Variants in MAGI2 observed in about 807,000 individuals in gnomAD.
MAGI2 encodes membrane-associated guanylate kinase, WW and PDZ domain-containing protein 2.
Under a neutral mutation model 133.3 loss-of-function variants are expected in MAGI2, and 35 were observed. The observed-to-expected ratio is 0.26, with a 90% CI of 0.20 to 0.35. The LOEUF (loss-of-function observed/expected upper bound fraction) is 0.35. MAGI2 is among the 10% of genes least tolerant of loss of function. The pLI, the probability that MAGI2 is intolerant of heterozygous loss-of-function variation, is 1.00. For missense variants in MAGI2, 1,636 were observed against 1,863.4 expected, an observed-to-expected ratio of 0.88 and a Z score of 2.25; for synonymous variants, 729 against 710.6, an observed-to-expected ratio of 1.03 and a Z score of -0.41.
intron 3 of MAGI2, among the ~76,000 whole-genome samples, chr7:78,555,334 G>A (rs1799729095): frequency 1.3e-5 from 2 of 151,844 alleles, no homozygotes; most frequent in South Asian, 4.1e-4. Context: ...GAGGGTGGAG[G>A]AATATCTTTC....
At chr7:78,305,207 C>T (rs545832647) in intron 9 of MAGI2, among the ~76,000 whole-genome samples, 1 of 152,242 alleles carries the variant, frequency 6.6e-6, no homozygotes, top group South Asian at 2.1e-4. Context: ...GTCTGATTTT[C>T]TCCATCTGGA....
chr7:79,032,417 C>T (rs1449825599), intron 1 of MAGI2, among the ~76,000 whole-genome samples: 1 of 150,798 alleles, frequency 6.6e-6, no homozygotes, highest in African/African-American at 2.4e-5. Context: ...ACTTGGGAGG[C>T]TGAGGCAGGA....
At position 78,083,562 on chromosome 7, in the gene MAGI2, A is replaced by G. The variant is rs573307948; in HGVS notation, c.3568-4477T>C. ...AAAGGACTTAAGAGGAATTCTAAGC[A>G]CTCATTTTTTTCCTATGGAAGAAAT... On this transcript the variant is annotated intron_variant, in intron 20 of 21. Coordinates refer to ENST00000354212, the MANE Select transcript of MAGI2 (RefSeq NM_012301.4). Among the ~76,000 whole-genome samples the G allele has an allele frequency of 8.3e-4, 126 of 152,246 alleles. 1 individual carries two copies. The highest frequency in any genetic ancestry group is 1.5e-3 in the Non-Finnish European group (99 of 68,002).
At chr7:78,680,792 T>G (rs1496774) in intron 2 of MAGI2, among the ~76,000 whole-genome samples, 17,962 of 152,192 alleles carry the variant, frequency 0.12, 1,371 homozygotes, top group Non-Finnish European at 0.17. Flanking sequence ...GGAGTAAGCT[T>G]ATCACCTTCT....
chr7:78,384,569 C>T (rs572455897), intron 6 of MAGI2, among the ~76,000 whole-genome samples: 1 of 152,204 alleles, frequency 6.6e-6, no homozygotes, highest in East Asian at 1.9e-4. Context: ...ACACATTTAT[C>T]AATTGAATGT....
chr7:78,287,346 C>A (rs916396421), intron 9 of MAGI2, among the ~76,000 whole-genome samples: 2 of 151,840 alleles, frequency 1.3e-5, no homozygotes, highest in East Asian at 3.9e-4. Context: ...GCTAAACATA[C>A]TAGGAAATGA....
At chr7:78,160,357 A>G (rs1824854492) in intron 15 of MAGI2, 84 bp from the exon 16 acceptor site, 2 of 1,369,816 alleles carry the variant, frequency 1.5e-6, no homozygotes, top group African/African-American at 2.9e-5. Flanking sequence ...ACTGTTCTAG[A>G]CAGTGGTATT....
chr7:79,339,838 G>A (rs896091924), intron 1 of MAGI2, among the ~76,000 whole-genome samples: 1 of 152,102 alleles, frequency 6.6e-6, no homozygotes. Flanking sequence ...CAAACATCTA[G>A]TGCTGAATGC....
At chr7:78,872,373 A>G (rs1262878247) in intron 2 of MAGI2, among the ~76,000 whole-genome samples, 2 of 152,134 alleles carry the variant, frequency 1.3e-5, no homozygotes, top group Non-Finnish European at 2.9e-5. Context: ...GCTTAATATT[A>G]GGAAATATAT....
intron 13 of MAGI2, among the ~76,000 whole-genome samples, chr7:78,180,924 ATTTTTTTTTTTTTTT>A: frequency 9.3e-6 from 1 of 108,010 alleles, no homozygotes; most frequent in Non-Finnish European, 1.8e-5. Flanking sequence ...AGGCAGCAGT[ATTTTTTTTTTTTTTT>A]TTTTTTTTTT....
chr7:78,265,163 T>C (rs1195454746), intron 9 of MAGI2, among the ~76,000 whole-genome samples: 1 of 152,214 alleles, frequency 6.6e-6, no homozygotes, highest in Non-Finnish European at 1.5e-5. Context: ...ACGATGTATT[T>C]ACATTTCCTT....
At chr7:79,190,721 G>T (rs745944677) in intron 1 of MAGI2, among the ~76,000 whole-genome samples, 2 of 151,768 alleles carry the variant, frequency 1.3e-5, no homozygotes, top group African/African-American at 2.4e-5. Context: ...AAGACAAATT[G>T]TATCAACCCT....
At chr7:78,647,423 T>C (rs1263767051) in intron 2 of MAGI2, among the ~76,000 whole-genome samples, 4 of 152,030 alleles carry the variant, frequency 2.6e-5, no homozygotes, top group Admixed American at 6.5e-5. Context: ...ATCAGAGAAA[T>C]GCAAATCAAA....
chr7:79,248,673 T>A (rs1161153019), intron 1 of MAGI2, among the ~76,000 whole-genome samples: 1 of 152,142 alleles, frequency 6.6e-6, no homozygotes, highest in East Asian at 1.9e-4. Flanking sequence ...CAGTATCTCC[T>A]CTGACCAGAA....
intron 2 of MAGI2, among the ~76,000 whole-genome samples, chr7:78,729,424 C>A (rs1484904149): frequency 6.6e-6 from 1 of 152,174 alleles, no homozygotes; most frequent in Non-Finnish European, 1.5e-5. Context: ...TGGCATAGTA[C>A]TGAAAGAATA....
At chr7:79,030,548 G>T (rs1207900912) in intron 1 of MAGI2, among the ~76,000 whole-genome samples, 1 of 152,080 alleles carries the variant, frequency 6.6e-6, no homozygotes, top group African/African-American at 2.4e-5. Flanking sequence ...GTGAATTTGG[G>T]ACTAAAAATA....
chr7:78,812,823 C>A (rs953833349), intron 2 of MAGI2, among the ~76,000 whole-genome samples: 1 of 152,054 alleles, frequency 6.6e-6, no homozygotes, highest in Admixed American at 6.6e-5. Flanking sequence ...CTGATGAGCC[C>A]ATTGCTTGGA....
At chr7:79,430,718 T>C (rs1466740050) in intron 1 of MAGI2, among the ~76,000 whole-genome samples, 1 of 152,208 alleles carries the variant, frequency 6.6e-6, no homozygotes, top group Non-Finnish European at 1.5e-5. Flanking sequence ...TACTTTTTCA[T>C]ATATTACATG....
intron 3 of MAGI2, among the ~76,000 whole-genome samples, chr7:78,575,731 C>G (rs1046251972): frequency 1.3e-5 from 2 of 152,124 alleles, no homozygotes; most frequent in Admixed American, 6.5e-5. Flanking sequence ...CAAACTCAAA[C>G]TGATAGTCAT....
Sources: allele counts gnomAD v4.1 joint callset (sites outside exome capture counted in the v4.1 genomes callset), GRCh38; gene constraint gnomAD v4.1.1; transcripts MANE v1.5; gene names NCBI Gene and HGNC (gene_info 2026-07-23, HGNC 2026-07-21).